The following NRXN1 variants were observed in gnomAD, a reference collection of about 807,000 sequenced individuals.
The protein encoded by NRXN1 is neurexin 1, also known as neurexin-1.
NRXN1 carries 39 observed loss-of-function variants against 150.9 expected under a neutral mutation model. That is an observed-to-expected ratio of 0.26 (90% confidence interval 0.20 to 0.34). The LOEUF is 0.34. NRXN1 is among the 10% of genes least tolerant of loss of function. The pLI, the probability that NRXN1 is intolerant of heterozygous loss-of-function variation, is 1.00. For synonymous variants in NRXN1, 924 were observed against 757.0 expected (o/e 1.22, Z -3.62); for missense variants, 1,815 against 1,949.9 (o/e 0.93, Z 1.30).
At chr2:50,439,572 C>T (rs554744910) in intron 17 of NRXN1, among the ~76,000 whole-genome samples, 3 of 152,016 alleles carry the variant, frequency 2.0e-5, no homozygotes, top group Non-Finnish European at 4.4e-5. Flanking sequence ...CCTGGGAGGC[C>T]GAGGCGGGTG....
At chr2:50,988,576 A>G (rs1310676931) in intron 2 of NRXN1, among the ~76,000 whole-genome samples, 1 of 151,886 alleles carries the variant, frequency 6.6e-6, no homozygotes, top group African/African-American at 2.4e-5. Flanking sequence ...ACAGCTCTAA[A>G]TCCCCTCTCC....
intron 18 of NRXN1, among the ~76,000 whole-genome samples, chr2:50,192,045 A>T (rs74887932): frequency 0.036 from 5,474 of 152,180 alleles, 132 homozygotes; most frequent in Non-Finnish European, 0.053. Context: ...TAAAAAGAGG[A>T]TTTTATCTAA....
intron 5 of NRXN1, among the ~76,000 whole-genome samples, chr2:50,848,684 T>G (rs1674055226): frequency 6.6e-6 from 1 of 152,202 alleles, no homozygotes; most frequent in South Asian, 2.1e-4. Flanking sequence ...TTATATTTTA[T>G]GTCTCTTATA....
intron 18 of NRXN1, among the ~76,000 whole-genome samples, chr2:50,224,178 T>C (rs987320753): frequency 2.6e-5 from 4 of 152,008 alleles, no homozygotes; most frequent in Admixed American, 6.6e-5. Context: ...GTTGGGATTT[T>C]ATAATCATTT....
chr2:50,872,963 T>C (rs961332867), intron 5 of NRXN1, among the ~76,000 whole-genome samples: 3 of 151,792 alleles, frequency 2.0e-5, no homozygotes, highest in African/African-American at 4.8e-5. Flanking sequence ...ATTGTACCAC[T>C]ATACTCCAAC....
intron 22 of NRXN1, among the ~76,000 whole-genome samples, chr2:49,929,146 G>A (rs1185650779): frequency 1.3e-5 from 2 of 152,116 alleles, no homozygotes; most frequent in East Asian, 1.9e-4. Context: ...AATGGGAAGG[G>A]ATGCTAGACA....
chr2:50,856,074 T>C (rs1269020372), intron 5 of NRXN1, among the ~76,000 whole-genome samples: 1 of 151,636 alleles, frequency 6.6e-6, no homozygotes, highest in Non-Finnish European at 1.5e-5. Flanking sequence ...TAAAAATGCA[T>C]TGCATGAGAC....
In NRXN1 at chr2:50,704,467, AAG is replaced by A. The variant is rs561690471; in HGVS notation, c.833-80854_833-80853del. On this transcript the variant is annotated intron_variant, in intron 5 of 22. Coordinates refer to ENST00000401669, the MANE Select transcript of NRXN1 (RefSeq NM_001330078.2). Reference sequence around the variant, plus strand: ...GCAGGATATTTGCAAAAATATTTAAAAGAGAGTTACTTTTCTAAAGCATTAAT... The same window carrying A: ...GCAGGATATTTGCAAAAATATTTAAAAGAGTTACTTTTCTAAAGCATTAAT... Among the ~76,000 whole-genome samples, 694 of 152,126 alleles carry A rather than the reference AAG, an allele frequency of 4.6e-3. 5 individuals carry two copies. Among genetic ancestry groups the A allele is most frequent in the African/African-American group, 0.015 (644 of 41,552 alleles).
At chr2:50,012,024 G>A (rs1685752277) in intron 21 of NRXN1, among the ~76,000 whole-genome samples, 2 of 151,996 alleles carry the variant, frequency 1.3e-5, no homozygotes, top group South Asian at 4.1e-4. Context: ...AAACATAATA[G>A]CCCAGGGTCA....
At chr2:50,525,372 C>T (rs940878270) in intron 12 of NRXN1, among the ~76,000 whole-genome samples, 1 of 152,026 alleles carries the variant, frequency 6.6e-6, no homozygotes, top group African/African-American at 2.4e-5. Context: ...CTGTACAGTC[C>T]CTTCCCATCT....
chr2:50,607,760 A>T (rs1677371142), intron 8 of NRXN1, among the ~76,000 whole-genome samples: 1 of 151,822 alleles, frequency 6.6e-6, no homozygotes, highest in Non-Finnish European at 1.5e-5. Context: ...AAAAAAAAGT[A>T]AAGGAGACCT....
intron 5 of NRXN1, among the ~76,000 whole-genome samples, chr2:50,670,953 T>G (rs929649218): frequency 1.3e-5 from 2 of 151,950 alleles, no homozygotes; most frequent in South Asian, 2.1e-4. Flanking sequence ...AAAGTTACTA[T>G]GTATCACTTT....
chr2:50,068,770 A>AT (rs915896665), intron 19 of NRXN1, among the ~76,000 whole-genome samples: 6 of 152,062 alleles, frequency 3.9e-5, no homozygotes, highest in African/African-American at 1.4e-4. Context: ...CACAAAAAAT[A>AT]TTTTTTTTAC....
intron 5 of NRXN1, among the ~76,000 whole-genome samples, chr2:50,740,222 A>T (rs1340618265): frequency 6.6e-6 from 1 of 152,158 alleles, no homozygotes; most frequent in Non-Finnish European, 1.5e-5. Flanking sequence ...ATTAGCCAAG[A>T]CATTCCTGGT....
intron 17 of NRXN1, among the ~76,000 whole-genome samples, chr2:50,280,207 G>A (rs2071231904): frequency 6.7e-6 from 1 of 149,228 alleles, no homozygotes; most frequent in South Asian, 2.1e-4. Context: ...GAACACGGGA[G>A]GCGGAGCTTG....
chr2:50,930,408 G>A (rs1401376158), intron 2 of NRXN1, among the ~76,000 whole-genome samples: 1 of 139,364 alleles, frequency 7.2e-6, no homozygotes, highest in Non-Finnish European at 1.7e-5. Flanking sequence ...GGGGCAGGAG[G>A]AAGGAAAAGC....
chr2:50,566,654 A>G (rs930755839), intron 8 of NRXN1, among the ~76,000 whole-genome samples: 8 of 152,174 alleles, frequency 5.3e-5, no homozygotes, highest in Non-Finnish European at 1.0e-4. Context: ...GTCTCATGAC[A>G]GTCTTATGAA....
intron 5 of NRXN1, among the ~76,000 whole-genome samples, chr2:50,697,327 T>C (rs1273321773): frequency 2.0e-5 from 3 of 152,204 alleles, no homozygotes; most frequent in Non-Finnish European, 2.9e-5. Flanking sequence ...ATTAATATGC[T>C]ACAATGATGT....
intron 22 of NRXN1, among the ~76,000 whole-genome samples, chr2:49,928,775 A>G (rs1312514714): frequency 1.3e-5 from 2 of 152,180 alleles, no homozygotes; most frequent in African/African-American, 4.8e-5. Context: ...TTTATATGAC[A>G]TGCATTAATT....
Sources: gnomAD v4.1 joint callset for allele counts (sites outside exome capture counted in the v4.1 genomes callset) on GRCh38, gnomAD v4.1.1 for gene constraint, MANE v1.5 for transcripts, NCBI Gene and HGNC (gene_info 2026-07-23, HGNC 2026-07-21) for gene names.